Variants in SATB2 observed in about 807,000 individuals in gnomAD.
SATB2 encodes the protein SATB homeobox 2, also known as DNA-binding protein SATB2.
Under a neutral mutation model 73.4 loss-of-function variants are expected in SATB2, and 1 was observed. The observed-to-expected ratio is 0.01, with a 90% CI of 0.00 to 0.06. The LOEUF is 0.06. SATB2 is among the 10% of genes least tolerant of loss of function. SATB2 has a pLI of 1.00. For synonymous variants in SATB2, 397 were observed against 367.0 expected (o/e 1.08, Z -0.93); for missense variants, 459 against 945.8 (o/e 0.49, Z 6.75).
At chr2:199,274,236 G>A (rs146698848) in intron 10 of SATB2, among the ~76,000 whole-genome samples, 26 of 152,062 alleles carry the variant, frequency 1.7e-4, no homozygotes, top group African/African-American at 2.7e-4. Context: ...AAGAAAACAC[G>A]TCTAGTTACA....
chr2:199,382,016 A>G (rs1374938909), intron 3 of SATB2, among the ~76,000 whole-genome samples, 196 bp from the exon 4 acceptor site: 1 of 152,220 alleles, frequency 6.6e-6, no homozygotes, highest in Admixed American at 6.5e-5. Flanking sequence ...TGGGAAGGAA[A>G]GAATGAGGTT....
At chr2:199,411,443 C>T (rs1690814599) in intron 3 of SATB2, among the ~76,000 whole-genome samples, 1 of 152,104 alleles carries the variant, frequency 6.6e-6, no homozygotes, top group South Asian at 2.1e-4. Context: ...ATTTTTTCAA[C>T]GAATACTATT....
chr2:199,342,260 C>T (rs1688528047), intron 7 of SATB2, among the ~76,000 whole-genome samples: 1 of 151,992 alleles, frequency 6.6e-6, no homozygotes, highest in African/African-American at 2.4e-5. Context: ...ACTTTGTGGC[C>T]ACAGGTTAAA....
chr2:199,356,473 C>T (rs532322696), intron 6 of SATB2, among the ~76,000 whole-genome samples: 2 of 152,224 alleles, frequency 1.3e-5, no homozygotes, highest in East Asian at 3.9e-4. Context: ...AACCTCCTCT[C>T]CAGGTTCTCT....
At chr2:199,468,518 G>A (rs1207682398), upstream of SATB2, among the ~76,000 whole-genome samples, 1 of 152,194 alleles carries the variant, frequency 6.6e-6, no homozygotes, top group Admixed American at 6.5e-5. Context: ...ATCTTGCAGT[G>A]AGGTATTTGT....
rs1688732211 is a variant in SATB2 at position 199,348,947 on chromosome 2, T to C, written c.927A>G (p.Gln309=). The change falls in exon 7 of 11, where the codon CAA becomes CAG. Residue 309 remains glutamine, a synonymous_variant. Coordinates refer to ENST00000417098, the MANE Select transcript of SATB2 (RefSeq NM_001172509.2). ...TTATCAGATGGGCCATGGCTATTTG[T>C]TGCCTTACAAGTTGTGGACTAAGCT... The part of the protein sequence containing the change: ...SPQLSPQLVR[Q]QIAMAHLINQ... The C allele has an allele frequency of 3.7e-6, 6 of 1,614,132 alleles. No individual in the cohort carries two copies. In the East Asian group the frequency reaches 6.7e-5, roughly 18 times the overall value.
At position 199,349,142 on chromosome 2, in the gene SATB2, G is replaced by T. The variant is rs766855879; in HGVS notation, c.732C>A (p.Asp244Glu). 12 of 1,613,614 alleles carry T rather than the reference G, an allele frequency of 7.4e-6. No homozygotes were observed. The highest frequency in any genetic ancestry group is 1.0e-5 in the Non-Finnish European group (12 of 1,179,848). ...TTGGACGCTGGCCCAGAACACAATA[G>T]TCTGAAAGGTTTTCTCGTTCCACTC... ...VERVERENLS[D>E]YCVLGQRPMH... Residue 244 changes from aspartate (D) to glutamate (E), a missense_variant, in exon 7 of 11, where the codon GAC (aspartate) becomes GAA (glutamate). Asp to Glu is a conservative substitution (Grantham distance 45). Around this residue, in one of 13 missense-constraint regions of SATB2, gnomAD observed 77 missense variants for 90.4 expected, o/e 0.85. Transcript: ENST00000417098.
At chr2:199,279,978 TA>T (rs1169240413) in intron 10 of SATB2, among the ~76,000 whole-genome samples, 3 of 152,132 alleles carry the variant, frequency 2.0e-5, no homozygotes, top group African/African-American at 7.2e-5. Context: ...CTGTCTCTAC[TA>T]AAAATACAAA....
At chr2:199,349,973 GA>G (rs1688766823) in intron 6 of SATB2, among the ~76,000 whole-genome samples, 4 of 152,098 alleles carry the variant, frequency 2.6e-5, no homozygotes, top group African/African-American at 7.2e-5. Flanking sequence ...TCTTAGGAAA[GA>G]CAGTCACCTC....
At chr2:199,287,960 C>T (rs1692736379) in intron 10 of SATB2, among the ~76,000 whole-genome samples, 1 of 152,022 alleles carries the variant, frequency 6.6e-6, no homozygotes, top group African/African-American at 2.4e-5. Flanking sequence ...GAGAAAAATA[C>T]AAAATTATAT....
rs573552500 is a variant in SATB2, at chr2:199,307,029, G to A, written c.1740+1731C>T. Among the ~76,000 whole-genome samples, 29 of 152,166 alleles carry A rather than the reference G, an allele frequency of 1.9e-4. No homozygotes were observed. The South Asian group carries it at 4.6e-3, about 24-fold the overall frequency. ...AATAAAAATTCCATGAAAAGTCAGT[G>A]GTTCCCTGAAGCAAGTCCTTGGCCT... On this transcript the variant is annotated intron_variant, in intron 10 of 10. Transcript: ENST00000417098.
intron 3 of SATB2, among the ~76,000 whole-genome samples, chr2:199,419,016 G>C (rs1017873481): frequency 6.6e-6 from 1 of 152,078 alleles, no homozygotes; most frequent in Non-Finnish European, 1.5e-5. Flanking sequence ...ACTGGTAATC[G>C]ACCCACATCA....
chr2:199,387,792 A>G (rs1331844832), intron 3 of SATB2, among the ~76,000 whole-genome samples: 1 of 152,218 alleles, frequency 6.6e-6, no homozygotes, highest in Non-Finnish European at 1.5e-5. Flanking sequence ...TTGTAGGTAA[A>G]TTTCCCATTA....
At chr2:199,325,320 A>G (rs1688000554) in intron 8 of SATB2, 1 of 152,128 alleles carries the variant, frequency 6.6e-6, no homozygotes, top group African/African-American at 2.4e-5. Flanking sequence ...CAGATGAAGA[A>G]ACTGAAATAA....
chr2:199,405,957 C>G (rs1355991772), intron 3 of SATB2, among the ~76,000 whole-genome samples: 2 of 151,858 alleles, frequency 1.3e-5, no homozygotes, highest in Admixed American at 6.6e-5. Context: ...ATTCAACAAC[C>G]CTGGATTAAA....
At chr2:199,386,716 GCACACACACACACACA>G (rs61568459) in intron 3 of SATB2, among the ~76,000 whole-genome samples, 167 of 9,258 alleles carry the variant, frequency 0.018, 1 homozygote, top group Non-Finnish European at 0.078. Context: ...GCGCGCGCGC[GCACACACACACACACA>G]CACACACACA....
At chr2:199,355,348 C>CTATATATATATATATA (rs72202602) in intron 6 of SATB2, among the ~76,000 whole-genome samples, 2,025 of 133,994 alleles carry the variant, frequency 0.015, 135 homozygotes, top group Non-Finnish European at 0.022. Flanking sequence ...GTGTGTGTAT[C>CTATATATATATATATA]TATATATATA....
intron 10 of SATB2, among the ~76,000 whole-genome samples, chr2:199,284,314 T>C (rs763872560): frequency 1.3e-5 from 2 of 152,220 alleles, no homozygotes; most frequent in East Asian, 1.9e-4. Context: ...GCATGCATGA[T>C]GTTATAAAGT....
chr2:199,418,837 C>T (rs556380412), intron 3 of SATB2, among the ~76,000 whole-genome samples: 1 of 152,130 alleles, frequency 6.6e-6, no homozygotes, highest in Non-Finnish European at 1.5e-5. Context: ...ATCTGCTGTA[C>T]GGAGTTCCTT....
Sources: allele counts gnomAD v4.1 joint callset (sites outside exome capture counted in the v4.1 genomes callset), GRCh38; gene constraint gnomAD v4.1.1; regional missense constraint gnomAD v4.1.1; transcripts MANE v1.5; gene names NCBI Gene and HGNC (gene_info 2026-07-23, HGNC 2026-07-21).